Variants in ZNF732 observed in about 807,000 individuals in gnomAD.
ZNF732 encodes the protein zinc finger protein LOC654254.
A neutral mutation model predicts 11.5 loss-of-function variants in ZNF732; 12 were observed. That is an observed-to-expected ratio of 1.05 (90% CI 0.67 to 1.70). The LOEUF (loss-of-function observed/expected upper bound fraction) is 1.70. Ranked by LOEUF, ZNF732 falls within the 40% of genes most tolerant of loss-of-function variation. The pLI is 0.00. For missense variants in ZNF732, 702 were observed against 676.9 expected, an observed-to-expected ratio of 1.04 and a Z score of -0.41; for synonymous variants, 231 against 236.5, an observed-to-expected ratio of 0.98 and a Z score of 0.21.
intron 3 of ZNF732, among the ~76,000 whole-genome samples, chr4:292,890 CAAAAAAAAAA>C (rs34118991): frequency 8.9e-3 from 703 of 79,406 alleles, no homozygotes; most frequent in Non-Finnish European, 0.014. Flanking sequence ...ACTAAAAACA[CAAAAAAAAAA>C]AAAAAAAAAA....
At chr4:295,662 G>T in intron 2 of ZNF732, 129 bp from the exon 3 acceptor site, 1 of 838,942 alleles carries the variant, frequency 1.2e-6, no homozygotes, top group Non-Finnish European at 1.8e-6. Context: ...TTTCCTGGCA[G>T]AATCTTTAAA....
chr4:292,460 G>A (rs1220215413), intron 3 of ZNF732, among the ~76,000 whole-genome samples: 4 of 151,486 alleles, frequency 2.6e-5, no homozygotes, highest in African/African-American at 9.7e-5. Flanking sequence ...GGGAGGCTGA[G>A]GCAGAAGAAT....
At chr4:283,452 AAGAGT>A (rs1431133101) in intron 3 of ZNF732, among the ~76,000 whole-genome samples, 1 of 152,122 alleles carries the variant, frequency 6.6e-6, no homozygotes, top group Non-Finnish European at 1.5e-5. Context: ...TAATAACTAA[AAGAGT>A]ATAGAAGTGG....
chr4:292,310 A>C (rs1391260985), intron 3 of ZNF732, among the ~76,000 whole-genome samples: 2 of 152,100 alleles, frequency 1.3e-5, no homozygotes, highest in African/African-American at 4.8e-5. Flanking sequence ...ATCTGATAAA[A>C]AATTTGGGAG....
chr4:280,952 C>A (rs930435850), intron 3 of ZNF732, among the ~76,000 whole-genome samples: 9 of 151,994 alleles, frequency 5.9e-5, no homozygotes, highest in Admixed American at 2.6e-4. Flanking sequence ...GGAATCCTGC[C>A]CAGACACCCA....
chr4:273,064 A>G (rs1395996111), intron 3 of ZNF732, among the ~76,000 whole-genome samples: 1 of 152,088 alleles, frequency 6.6e-6, no homozygotes, highest in Non-Finnish European at 1.5e-5. Context: ...AATAACAAAG[A>G]GTGCTGAAAG....
intron 3 of ZNF732, among the ~76,000 whole-genome samples, chr4:286,723 A>T (rs1175806854): frequency 6.6e-6 from 1 of 152,224 alleles, no homozygotes; most frequent in Non-Finnish European, 1.5e-5. Context: ...AGGATGGGGT[A>T]TATGTGCAAG....
intron 1 of ZNF732, among the ~76,000 whole-genome samples, chr4:298,221 G>C (rs1720001007): frequency 6.6e-6 from 1 of 152,160 alleles, no homozygotes. Context: ...CCCAAATGAA[G>C]CTTAAGTGTC....
chr4:275,840 G>A lies in ZNF732; in HGVS notation c.227-3210C>T, dbSNP rs115946034. Among the ~76,000 whole-genome samples, 386 of 151,710 alleles carry A rather than the reference G, an allele frequency of 2.5e-3. 2 individuals carry two copies. Among genetic ancestry groups the A allele is most frequent in the South Asian group, 8.3e-3 (40 of 4,822 alleles). On this transcript the variant is annotated intron_variant, in intron 3 of 3. Transcript: ENST00000419098. ...ACAAACTATATGAATCAACTTACAC[G>A]AGATATCTAAAGCAGTTTGACTTTA...
intron 3 of ZNF732, among the ~76,000 whole-genome samples, chr4:278,333 T>G (rs1450171790): frequency 6.6e-6 from 1 of 152,208 alleles, no homozygotes; most frequent in African/African-American, 2.4e-5. Context: ...TACACATGCA[T>G]GTTAATTATT....
chr4:290,993 G>T (rs996620290), intron 3 of ZNF732, among the ~76,000 whole-genome samples: 2 of 152,086 alleles, frequency 1.3e-5, no homozygotes, highest in Non-Finnish European at 2.9e-5. Context: ...CACAGCTGAG[G>T]CCCAGATCTA....
Position 295,462 on chromosome 4 carries a change from G to T in ZNF732, c.202C>A (p.His68Asn). Residue 68 changes from histidine to asparagine, a missense_variant, in exon 3 of 4, where the codon CAT becomes AAT. Around this residue, in one of 3 missense-constraint regions of ZNF732, gnomAD observed 596 missense variants for 557.9 expected, o/e 1.07. Coordinates refer to ENST00000419098, the MANE Select transcript of ZNF732 (RefSeq NM_001137608.3). ...QRKEPYKVKIHETVAKHPAVC... is the reference protein window; with the variant it reads ...QRKEPYKVKINETVAKHPAVC... ...CCTGGGTGTTTGGCTACTGTCTCAT[G>T]TATCTTCACTTTGTAGGGCTCCTTT... 6.2e-7 allele frequency: 1 copy of T among 1,610,386 alleles called. No individual in the cohort carries two copies. Among genetic ancestry groups the T allele is most frequent in the South Asian group, 1.1e-5 (1 of 90,360 alleles).
intron 3 of ZNF732, among the ~76,000 whole-genome samples, chr4:275,369 TTTAA>T (rs1192608908): frequency 6.6e-6 from 1 of 151,680 alleles, no homozygotes; most frequent in Admixed American, 6.6e-5. Context: ...CCCTGTCAAA[TTTAA>T]TTAAATTATT....
intron 3 of ZNF732, among the ~76,000 whole-genome samples, chr4:275,556 A>G (rs564543955): frequency 4.0e-5 from 6 of 151,746 alleles, no homozygotes; most frequent in Non-Finnish European, 8.9e-5. Flanking sequence ...GAACAGCTAG[A>G]TCAACTAAAT....
chr4:272,497 C>T lies in ZNF732; in HGVS notation c.360G>A (p.Lys120=), dbSNP rs1553837974. 1 of 1,602,558 alleles carries T rather than the reference C, an allele frequency of 6.2e-7. No homozygotes were observed. Among genetic ancestry groups the T allele is most frequent in the Middle Eastern group, 1.7e-4 (1 of 6,040 alleles). Residue 120 remains lysine, a synonymous_variant, in exon 4 of 4, where the codon AAG becomes AAA. Transcript: ENST00000419098. The stretch of plus-strand genomic sequence containing the variant: ...ATTCATTATAACCTCCTTTCTGCAC[C>T]TTCCTTTTACAGCTTTTTCTTAATT... ...NLELRKSCKR[K]VQKGGYNEFN...
At chr4:294,255 C>A (rs1719901345) in intron 3 of ZNF732, among the ~76,000 whole-genome samples, 3 of 152,240 alleles carry the variant, frequency 2.0e-5, no homozygotes, top group South Asian at 4.1e-4. Context: ...CCACCTCAGC[C>A]TCCCAAAGTG....
intron 1 of ZNF732, among the ~76,000 whole-genome samples, chr4:299,376 T>TATATACACAC (rs1560165001): frequency 4.7e-5 from 3 of 63,602 alleles, no homozygotes; most frequent in Admixed American, 1.9e-4. Context: ...TATGTGTATA[T>TATATACACAC]ATATATACAC....
chr4:287,711 T>C (rs527617472), intron 3 of ZNF732, among the ~76,000 whole-genome samples: 26 of 151,968 alleles, frequency 1.7e-4, no homozygotes, highest in Non-Finnish European at 3.5e-4. Context: ...TGACAAAATC[T>C]TGGCTCACTG....
In ZNF732 at chr4:272,588, C is replaced by T. The variant is rs1553838038; in HGVS notation, c.269G>A (p.Gly90Glu). The change falls in exon 4 of 4, where the codon GGG becomes GAG. Residue 90 changes from glycine (G) to glutamate (E), a missense_variant. Gly to Glu is a moderately conservative substitution (Grantham distance 98, BLOSUM62 -2). Coordinates refer to ENST00000419098, the MANE Select transcript of ZNF732 (RefSeq NM_001137608.3). Reference protein sequence around the residue: ...HFTQDFLPVQGIEDSFHKLIL... With the variant: ...HFTQDFLPVQEIEDSFHKLIL... ...AAGTTTGTGGAACGAATCTTCTATC[C>T]CCTGCACTGGCAAAAAGTCTTGGGT... 7 of 1,556,814 alleles carry T rather than the reference C, an allele frequency of 4.5e-6. No homozygotes were observed. The highest frequency in any genetic ancestry group is 1.7e-6 in the Non-Finnish European group (2 of 1,156,576).
Sources: allele counts gnomAD v4.1 joint callset (sites outside exome capture counted in the v4.1 genomes callset), GRCh38; gene constraint gnomAD v4.1.1; regional missense constraint gnomAD v4.1.1; transcripts MANE v1.5; gene names NCBI Gene and HGNC (gene_info 2026-07-23, HGNC 2026-07-21).